The following CNTLN variants were observed in gnomAD, a reference collection of about 807,000 sequenced individuals.
CNTLN encodes centlein, also known as centlein, centrosomal protein.
A neutral mutation model predicts 180.0 loss-of-function variants in CNTLN; 212 were observed. The ratio of observed to expected loss-of-function variants is 1.18; its 90% confidence interval spans 1.05 to 1.32. CNTLN has a LOEUF of 1.32. CNTLN is among the 40% of genes most tolerant of loss of function. CNTLN has a pLI of 0.00. For synonymous variants in CNTLN, 722 were observed against 563.1 expected (o/e 1.28, Z -3.99); for missense variants, 2,095 against 1,610.9 (o/e 1.30, Z -5.14).
At chr9:17,521,665 TG>T in the CNTLN span, among the ~76,000 whole-genome samples, 10 of 152,154 alleles carry the variant, frequency 6.6e-5, no homozygotes, top group Non-Finnish European at 1.2e-4. Flanking sequence ...TATCACCAGG[TG>T]GCAATTCACA....
chr9:17,496,456 G>A (rs1833462729), intron 25 of CNTLN, among the ~76,000 whole-genome samples: 1 of 152,042 alleles, frequency 6.6e-6, no homozygotes, highest in Non-Finnish European at 1.5e-5. Flanking sequence ...CTTTTTATAA[G>A]GCTACTAATC....
intron 2 of CNTLN, among the ~76,000 whole-genome samples, chr9:17,183,833 T>C (rs1821269185): frequency 6.6e-6 from 1 of 152,130 alleles, no homozygotes; most frequent in Non-Finnish European, 1.5e-5. Context: ...CCCAAAGGCA[T>C]TTCTAATTTG....
chr9:17,139,660 A>T (rs76160954), intron 1 of CNTLN, among the ~76,000 whole-genome samples: 1 of 144,846 alleles, frequency 6.9e-6, no homozygotes. Flanking sequence ...ACTTTGTCTC[A>T]AAAAAAAAAA....
At chr9:17,313,010 G>T (rs1819314917) in intron 8 of CNTLN, among the ~76,000 whole-genome samples, 1 of 151,960 alleles carries the variant, frequency 6.6e-6, no homozygotes, top group African/African-American at 2.4e-5. Flanking sequence ...TTTATTAGTT[G>T]TATGCATATT....
intron 12 of CNTLN, among the ~76,000 whole-genome samples, chr9:17,344,288 C>T (rs1022442554): frequency 1.3e-5 from 2 of 152,134 alleles, no homozygotes; most frequent in Admixed American, 6.6e-5. Flanking sequence ...AATGCCGTGT[C>T]ATTCTTAAAG....
chr9:17,377,435 G>C (rs1824867138), intron 13 of CNTLN, among the ~76,000 whole-genome samples: 1 of 152,108 alleles, frequency 6.6e-6, no homozygotes, highest in Non-Finnish European at 1.5e-5. Flanking sequence ...CAGCTACCTG[G>C]TAGGCTGAGA....
intron 5 of CNTLN, among the ~76,000 whole-genome samples, chr9:17,261,957 T>C (rs1827019772): frequency 6.6e-6 from 1 of 151,638 alleles, no homozygotes; most frequent in East Asian, 1.9e-4. Context: ...ACATTTATGA[T>C]GCCAACAAAC....
At chr9:17,507,696 A>AT (rs1204121926), downstream of CNTLN, among the ~76,000 whole-genome samples, 2 of 152,140 alleles carry the variant, frequency 1.3e-5, no homozygotes, top group East Asian at 1.9e-4. Context: ...CAAAAAGATG[A>AT]TTTTTTAAAA....
intron 7 of CNTLN, chr9:17,301,585 T>C: frequency 1.0e-6 from 1 of 984,804 alleles, no homozygotes. Flanking sequence ...GATACTTAAG[T>C]TGATTCTCAC....
chr9:17,359,717 T>TAAAAAAAAAAAAAAAAAA lies in CNTLN; in HGVS notation c.1887-6895_1887-6894insAAAAAAAAAAAAAAAAAA, dbSNP rs1456379699. Among the ~76,000 whole-genome samples, 20 of 13,496 alleles carry TAAAAAAAAAAAAAAAAAA rather than the reference T, an allele frequency of 1.5e-3. 2 individuals are homozygous for TAAAAAAAAAAAAAAAAAA. Among genetic ancestry groups the TAAAAAAAAAAAAAAAAAA allele is most frequent in the East Asian group, 3.0e-3 (1 of 328 alleles). The allele number at this position is 13,496 out of a possible 152,430, so 8.9% of individuals were successfully genotyped here. On this transcript the variant is annotated intron_variant, in intron 12 of 25. Transcript: ENST00000380647. Reference sequence around the variant, plus strand: ...TAACACGGTGAAACTCCGTCTATACTAAAAATACAAAAAAAAAAAAAAAAA... The same window carrying TAAAAAAAAAAAAAAAAAA: ...TAACACGGTGAAACTCCGTCTATACTAAAAAAAAAAAAAAAAAAAAAAATACAAAAAAAAAAAAAAAAA...
At chr9:17,325,190 T>C (rs1053364557) in intron 8 of CNTLN, among the ~76,000 whole-genome samples, 6 of 134,882 alleles carry the variant, frequency 4.4e-5, no homozygotes, top group African/African-American at 1.6e-4. Flanking sequence ...TTTTTCTTTT[T>C]TTTACAAGAA....
intron 23 of CNTLN, among the ~76,000 whole-genome samples, chr9:17,479,039 A>G (rs1431505758): frequency 2.0e-5 from 3 of 152,200 alleles, no homozygotes; most frequent in Non-Finnish European, 4.4e-5. Context: ...TTAAAAAAAG[A>G]TAATAAGTGT....
intron 6 of CNTLN, among the ~76,000 whole-genome samples, chr9:17,294,005 G>T (rs1030166819): frequency 3.3e-5 from 5 of 152,110 alleles, no homozygotes; most frequent in Non-Finnish European, 5.9e-5. Context: ...GGACCCTTGC[G>T]GTGAGTGTTA....
intron 12 of CNTLN, among the ~76,000 whole-genome samples, chr9:17,347,584 G>A (rs1435159015): frequency 1.3e-5 from 2 of 149,868 alleles, no homozygotes; most frequent in African/African-American, 2.4e-5. Flanking sequence ...CAGGAGAATC[G>A]CTTGAACCCA....
At chr9:17,320,933 A>G (rs2133037321) in intron 8 of CNTLN, among the ~76,000 whole-genome samples, 1 of 152,348 alleles carries the variant, frequency 6.6e-6, no homozygotes, top group South Asian at 2.1e-4. Context: ...GCATTCCAGC[A>G]GGATTATACC....
At chr9:17,280,281 C>A (rs1423784497) in intron 6 of CNTLN, among the ~76,000 whole-genome samples, 2 of 152,116 alleles carry the variant, frequency 1.3e-5, no homozygotes, top group African/African-American at 4.8e-5. Context: ...TTTCAACTAA[C>A]CTAGATTGTC....
chr9:17,137,143 A>G (rs2088599599), intron 1 of CNTLN, among the ~76,000 whole-genome samples: 1 of 152,236 alleles, frequency 6.6e-6, no homozygotes, highest in Non-Finnish European at 1.5e-5. Flanking sequence ...TCGGACATAT[A>G]TAGACTAGGA....
At chr9:17,439,949 C>T (rs1367299252) in intron 18 of CNTLN, among the ~76,000 whole-genome samples, 1 of 152,174 alleles carries the variant, frequency 6.6e-6, no homozygotes, top group Non-Finnish European at 1.5e-5. Context: ...TTATTTAAGC[C>T]ATGCAGTCTA....
At chr9:17,296,531 C>T (rs10963015) in intron 6 of CNTLN, among the ~76,000 whole-genome samples, 33,893 of 151,822 alleles carry the variant, frequency 0.22, 4,090 homozygotes, top group South Asian at 0.36. Flanking sequence ...TTTTTTAGGC[C>T]TCCTGGCTAA....
Sources: allele counts gnomAD v4.1 joint callset (sites outside exome capture counted in the v4.1 genomes callset), GRCh38; gene constraint gnomAD v4.1.1; transcripts MANE v1.5; gene names NCBI Gene and HGNC (gene_info 2026-07-23, HGNC 2026-07-21).